BRD4: variants seen among roughly 807,000 people sequenced by gnomAD.
BRD4 encodes the protein bromodomain-containing protein 4.
Under a neutral mutation model 142.1 loss-of-function variants are expected in BRD4, and 16 were observed. That is an observed-to-expected ratio of 0.11 (90% confidence interval 0.08 to 0.17). The LOEUF is 0.17. BRD4 is among the 10% of genes least tolerant of loss of function. The probability of loss-of-function intolerance (pLI) is 1.00; values close to 1 mark genes in which losing one functional copy is unlikely to be tolerated. For synonymous variants in BRD4, 833 were observed against 707.5 expected (o/e 1.18, Z -2.82); for missense variants, 1,424 against 1,810.9 (o/e 0.79, Z 3.88).
At chr19:15,283,349 C>T (rs2047718764) in intron 1 of BRD4, among the ~76,000 whole-genome samples, 1 of 152,182 alleles carries the variant, frequency 6.6e-6, no homozygotes, top group Admixed American at 6.5e-5. Context: ...CTCCGGATGA[C>T]ATCACACCGG....
intron 1 of BRD4, among the ~76,000 whole-genome samples, chr19:15,323,744 A>G (rs762468905): frequency 5.3e-5 from 8 of 152,178 alleles, no homozygotes; most frequent in Non-Finnish European, 1.2e-4. Context: ...GCAGCTAGGA[A>G]CAAATAAAGA....
Position 15,237,900 on chromosome 19 carries a change from C to A in BRD4, c.*477G>T, listed in dbSNP as rs903711317. ...GTGGGCCGGCCTCGCCCGCCTCCAG[C>A]CCACGCAGGCCTGCCCTGGCCTCCT... On this transcript the variant is annotated 3_prime_UTR_variant, in exon 20 of 20. Coordinates refer to ENST00000679869, the MANE Select transcript of BRD4 (RefSeq NM_001379291.1). 1.1e-4 allele frequency: 27 copies of A among 238,426 alleles called. No individual in the cohort carries two copies. Among genetic ancestry groups the A allele is most frequent in the African/African-American group, 5.5e-4 (25 of 45,376 alleles). 14.8% of individuals were successfully genotyped at this position (238,426 alleles called of 1,614,324 possible). A position where few individuals can be genotyped will look rare whatever the true frequency, so the allele number is the denominator to read the frequency against.
At chr19:15,306,663 A>T (rs1041204312) in intron 1 of BRD4, among the ~76,000 whole-genome samples, 1 of 152,192 alleles carries the variant, frequency 6.6e-6, no homozygotes, top group Non-Finnish European at 1.5e-5. Context: ...AACCGGCCTA[A>T]TTTTAAGACA....
intron 10 of BRD4, 44 bp from the exon 11 acceptor site, chr19:15,254,306 C>CA (rs1421146317): frequency 6.5e-7 from 1 of 1,537,738 alleles, no homozygotes; most frequent in Admixed American, 1.7e-5. Context: ...GGCTGTGGCC[C>CA]AGGAAGCCGC....
intron 1 of BRD4, among the ~76,000 whole-genome samples, chr19:15,295,007 A>G (rs1043799807): frequency 6.6e-6 from 1 of 152,176 alleles, no homozygotes; most frequent in Non-Finnish European, 1.5e-5. Flanking sequence ...CCATACTACT[A>G]CTTTGTGCTG....
At chr19:15,241,000 G>C (rs2047233700) in intron 14 of BRD4, among the ~76,000 whole-genome samples, 2 of 152,162 alleles carry the variant, frequency 1.3e-5, no homozygotes, top group African/African-American at 4.8e-5. Context: ...ATTTTCATAG[G>C]CCTGGAGCAA....
intron 6 of BRD4, 44 bp from the exon 7 acceptor site, chr19:15,263,592 G>T: frequency 6.2e-7 from 1 of 1,605,382 alleles, no homozygotes; most frequent in South Asian, 1.1e-5. Context: ...CTGCCCATGT[G>T]ACCATGGAGA....
intron 13 of BRD4, 131 bp from the exon 14 acceptor site, chr19:15,243,618 C>A: frequency 7.2e-7 from 1 of 1,385,102 alleles, no homozygotes. Flanking sequence ...GCACTCCCTC[C>A]CCACCTACCG....
chr19:15,316,072 C>T (rs374837342), intron 1 of BRD4, among the ~76,000 whole-genome samples: 13 of 141,776 alleles, frequency 9.2e-5, no homozygotes, highest in South Asian at 7.0e-4. Context: ...AGAAGAATGG[C>T]GTGAACCCGG....
At chr19:15,267,648 A>C in intron 3 of BRD4, 97 bp from the exon 4 acceptor site, 12 of 1,399,798 alleles carry the variant, frequency 8.6e-6, no homozygotes, top group Non-Finnish European at 9.7e-6. Flanking sequence ...CCCCCAAAAC[A>C]TGAAGCGTCG....
intron 11 of BRD4, among the ~76,000 whole-genome samples, chr19:15,249,783 G>T (rs1014351260): frequency 1.3e-5 from 2 of 152,028 alleles, no homozygotes; most frequent in Non-Finnish European, 2.9e-5. Flanking sequence ...CTTCCTCCTG[G>T]GTCTACAAGA....
At chr19:15,281,553 TGC>T (rs1356909299) in intron 1 of BRD4, among the ~76,000 whole-genome samples, 1 of 152,236 alleles carries the variant, frequency 6.6e-6, no homozygotes, top group East Asian at 1.9e-4. Flanking sequence ...CTGCAAAAGC[TGC>T]CAGCAACTGG....
intron 7 of BRD4, among the ~76,000 whole-genome samples, chr19:15,262,996 A>C (rs538853199): frequency 5.9e-5 from 9 of 152,326 alleles, no homozygotes; most frequent in East Asian, 3.9e-4. Flanking sequence ...ATGTGGAAAC[A>C]ACCACTCTGC....
intron 1 of BRD4, among the ~76,000 whole-genome samples, chr19:15,327,468 C>CG (rs894480506): frequency 9.9e-5 from 15 of 151,972 alleles, no homozygotes; most frequent in African/African-American, 3.6e-4. Context: ...TGCTTGAACC[C>CG]GGGGGGTGGA....
Position 15,255,565 on chromosome 19 carries a change from G to C in BRD4, c.1779C>G (p.Ser593Arg). The change falls in exon 10 of 20, where the codon AGC becomes AGG. Residue 593 changes from serine (S) to arginine (R), a missense_variant. Physicochemically the swap from Ser to Arg is moderately radical, Grantham distance 110. Coordinates refer to ENST00000679869, the MANE Select transcript of BRD4 (RefSeq NM_001379291.1). ...CCGACTCATACGTGGGAGGGGGCTT[G>C]CTCTTCATGGGCGCTGGCTCCTTCT... is the stretch of plus-strand genomic sequence containing the variant. The part of the protein sequence containing the change: ...VSKKEPAPMK[S>R]KPPPTYESEE... The C allele has an allele frequency of 6.2e-7, 1 of 1,609,202 alleles. No homozygotes were observed. Among genetic ancestry groups the C allele is most frequent in the Non-Finnish European group, 8.5e-7 (1 of 1,175,874 alleles).
At chr19:15,317,916 T>C (rs1335695189) in intron 1 of BRD4, among the ~76,000 whole-genome samples, 1 of 152,262 alleles carries the variant, frequency 6.6e-6, no homozygotes, top group African/African-American at 2.4e-5. Flanking sequence ...ATCTGTCAGC[T>C]GAATGGTTTC....
At chr19:15,253,367 T>A (rs1019767407) in intron 11 of BRD4, 2 of 610,500 alleles carry the variant, frequency 3.3e-6, no homozygotes, top group Non-Finnish European at 5.8e-6. Flanking sequence ...CAGTCCCCTC[T>A]CCACTCCCAC....
intron 11 of BRD4, among the ~76,000 whole-genome samples, chr19:15,245,535 C>G (rs914325422): frequency 6.6e-5 from 10 of 152,168 alleles, no homozygotes; most frequent in Non-Finnish European, 1.2e-4. Flanking sequence ...GGCTTGGCAC[C>G]ACAGTAGGGT....
In BRD4 at chr19:15,237,010, T is replaced by TA. The variant is rs1232614262; in HGVS notation, c.*1366dup. On this transcript the variant is annotated 3_prime_UTR_variant, in exon 20 of 20. Coordinates refer to ENST00000679869, the MANE Select transcript of BRD4 (RefSeq NM_001379291.1). Reference sequence around the variant, plus strand: ...GTAACCTCACCAGGGGCTCCAATTATAAAAATTAAAAAAAAAAAAAAAAAA... The same window carrying TA: ...GTAACCTCACCAGGGGCTCCAATTATAAAAAATTAAAAAAAAAAAAAAAAAA... 3 of 131,390 alleles carry TA rather than the reference T, an allele frequency of 2.3e-5. No homozygotes were observed. Among genetic ancestry groups the TA allele is most frequent in the Admixed American group, 1.0e-4 (1 of 9,532 alleles). 8.1% of individuals were successfully genotyped at this position (131,390 alleles called of 1,614,324 possible).
Sources: allele counts gnomAD v4.1 joint callset (sites outside exome capture counted in the v4.1 genomes callset), GRCh38; gene constraint gnomAD v4.1.1; transcripts MANE v1.5; gene names NCBI Gene and HGNC (gene_info 2026-07-23, HGNC 2026-07-21).